The following ESR1 variants were observed in gnomAD, a reference collection of about 807,000 sequenced individuals.
ESR1 encodes the protein estrogen receptor.
In ESR1, 12 loss-of-function variants were observed where a neutral mutation model predicts 52.7. The ratio of observed to expected loss-of-function variants is 0.23; its 90% confidence interval spans 0.15 to 0.37. The LOEUF (loss-of-function observed/expected upper bound fraction) is 0.37. ESR1 is among the 10% of genes least tolerant of loss of function. The pLI is 1.00. For synonymous variants in ESR1, 305 were observed against 316.8 expected (o/e 0.96, Z 0.39); for missense variants, 584 against 779.7 (o/e 0.75, Z 2.99).
In ESR1 at chr6:152,109,047, G is replaced by A. The variant is rs540717320; in HGVS notation, c.851-16219G>A. Among the ~76,000 whole-genome samples the A allele has an allele frequency of 1.2e-3, 188 of 152,258 alleles. 2 individuals are homozygous for A. Among genetic ancestry groups the A allele is most frequent in the African/African-American group, 4.2e-3 (176 of 41,562 alleles). On this transcript the variant is annotated intron_variant, in intron 6 of 6. Coordinates refer to the ESR1 transcript ENST00000427531. ...GAAGCAAGGACTTCTTACTTTGCCAGGAGGAGAAGGCAGAGGGAGGTGGGG... is the reference window on the plus strand; with the variant it reads ...GAAGCAAGGACTTCTTACTTTGCCAAGAGGAGAAGGCAGAGGGAGGTGGGG...
chr6:152,110,221 T>C (rs1316460962), intron 6 of ESR1, among the ~76,000 whole-genome samples: 1 of 152,144 alleles, frequency 6.6e-6, no homozygotes, highest in Non-Finnish European at 1.5e-5. Flanking sequence ...TTACTGAGAG[T>C]TGCTGAGTAC....
chr6:151,828,984 T>G (rs2128209386), intron 1 of ESR1, among the ~76,000 whole-genome samples: 1 of 152,296 alleles, frequency 6.6e-6, no homozygotes, highest in South Asian at 2.1e-4. Flanking sequence ...CCCAGAAGAT[T>G]TAGTTTTAAC....
intron 1 of ESR1, among the ~76,000 whole-genome samples, chr6:151,841,659 G>A (rs1489763971): frequency 1.3e-5 from 2 of 150,770 alleles, no homozygotes; most frequent in African/African-American, 4.9e-5. Context: ...GGTTTTCCTA[G>A]AATTTTCTTA....
intron 5 of ESR1, among the ~76,000 whole-genome samples, chr6:152,017,977 C>T (rs1267491635): frequency 6.6e-6 from 1 of 152,102 alleles, no homozygotes; most frequent in Non-Finnish European, 1.5e-5. Context: ...GGGACCAATT[C>T]AACAAGCAGA....
At chr6:151,969,871 T>A (rs2038718944) in intron 4 of ESR1, among the ~76,000 whole-genome samples, 1 of 152,168 alleles carries the variant, frequency 6.6e-6, no homozygotes, top group African/African-American at 2.4e-5. Context: ...TTGTTAGTGG[T>A]GTGTTTCTCT....
intron 6 of ESR1, among the ~76,000 whole-genome samples, chr6:152,110,349 G>C (rs1016302997): frequency 2.0e-5 from 3 of 152,238 alleles, no homozygotes; most frequent in African/African-American, 7.2e-5. Context: ...ATGCAGCCAT[G>C]AAAAGAATGA....
At chr6:151,741,451 A>T (rs1783092478) in intron 2 of ESR1, among the ~76,000 whole-genome samples, 2 of 152,122 alleles carry the variant, frequency 1.3e-5, no homozygotes, top group Admixed American at 6.5e-5. Context: ...AGTCATTTTT[A>T]TTGGTATAGC....
At chr6:151,762,148 C>G (rs1317658665) in intron 2 of ESR1, among the ~76,000 whole-genome samples, 1 of 152,146 alleles carries the variant, frequency 6.6e-6, no homozygotes, top group Non-Finnish European at 1.5e-5. Context: ...ACTTCTAACA[C>G]CGCTTTCAGG....
chr6:151,935,194 ATGTT>A (rs927812977), intron 3 of ESR1, among the ~76,000 whole-genome samples: 1 of 152,238 alleles, frequency 6.6e-6, no homozygotes, highest in African/African-American at 2.4e-5. Context: ...TGCTCAATAA[ATGTT>A]AGTTTACCAT....
At chr6:152,129,166 C>A (rs1037648727) in exon 7 of ESR1, 1 of 152,132 alleles carries the variant, frequency 6.6e-6, no homozygotes, top group Non-Finnish European at 1.5e-5. Flanking sequence ...ACGATGCCTT[C>A]GACATTTTCA....
intron 3 of ESR1, among the ~76,000 whole-genome samples, chr6:151,886,514 A>G (rs1187259662): frequency 4.6e-5 from 7 of 152,240 alleles, no homozygotes. Context: ...AATTAACGGG[A>G]TAATTTTAAA....
At chr6:151,957,128 C>T (rs1000791050) in intron 4 of ESR1, among the ~76,000 whole-genome samples, 3 of 151,974 alleles carry the variant, frequency 2.0e-5, no homozygotes, top group East Asian at 1.9e-4. Context: ...CCGCCCACCT[C>T]GGCCTCCCAA....
intron 2 of ESR1, among the ~76,000 whole-genome samples, chr6:151,717,021 T>G (rs2347638): frequency 0.83 from 126,465 of 152,228 alleles, 53,213 homozygotes; most frequent in East Asian, 0.99. Flanking sequence ...TCTGTGTGTT[T>G]CAAAGACCAT....
At chr6:152,064,136 T>TC (rs1334234711) in intron 6 of ESR1, among the ~76,000 whole-genome samples, 1 of 152,230 alleles carries the variant, frequency 6.6e-6, no homozygotes, top group African/African-American at 2.4e-5. Context: ...GTTTTTCCAC[T>TC]CCACACCAAA....
intron 4 of ESR1, among the ~76,000 whole-genome samples, chr6:151,990,747 G>C (rs2040929765): frequency 6.6e-6 from 1 of 152,112 alleles, no homozygotes; most frequent in African/African-American, 2.4e-5. Context: ...ATAACGAAAT[G>C]ACGTCTTCTC....
chr6:151,711,643 G>A (rs893994809), intron 2 of ESR1, among the ~76,000 whole-genome samples: 31 of 152,102 alleles, frequency 2.0e-4, no homozygotes, highest in South Asian at 4.1e-4. Context: ...TTTGTTGGCC[G>A]CATAAATGAC....
intron 2 of ESR1, among the ~76,000 whole-genome samples, chr6:151,845,626 A>G (rs1033454592): frequency 1.3e-5 from 2 of 152,160 alleles, no homozygotes; most frequent in African/African-American, 2.4e-5. Flanking sequence ...GCCGTCTTGT[A>G]TACGCAGACC....
At chr6:152,043,642 A>G (rs1436138686) in intron 5 of ESR1, among the ~76,000 whole-genome samples, 1 of 152,188 alleles carries the variant, frequency 6.6e-6, no homozygotes, top group African/African-American at 2.4e-5. Context: ...GTGCAGGGTT[A>G]AACTCCTCAG....
At chr6:152,122,276 C>G in intron 6 of ESR1, 1 of 1,121,534 alleles carries the variant, frequency 8.9e-7, no homozygotes, top group South Asian at 1.4e-5. Flanking sequence ...TCTTCCACCT[C>G]TGAAGCCATA....
Sources: gnomAD v4.1 joint callset for allele counts (sites outside exome capture counted in the v4.1 genomes callset) on GRCh38, gnomAD v4.1.1 for gene constraint, MANE v1.5 for transcripts, NCBI Gene and HGNC (gene_info 2026-07-23, HGNC 2026-07-21) for gene names.